Variants in CYSTM1 observed in about 807,000 individuals in gnomAD.
CYSTM1 encodes the protein cysteine rich transmembrane module containing 1, also known as cysteine-rich transmembrane module-containing protein 1.
Under a neutral mutation model 13.1 loss-of-function variants are expected in CYSTM1, and 4 were observed. The ratio of observed to expected loss-of-function variants is 0.31; its 90% confidence interval spans 0.15 to 0.70. The LOEUF is 0.70. Ranked by LOEUF, CYSTM1 falls within the 30% of genes least tolerant of loss-of-function variation. The pLI is 0.72. For synonymous variants in CYSTM1, 36 were observed against 42.7 expected, an observed-to-expected ratio of 0.84 and a Z score of 0.62; for missense variants, 96 against 121.6, an observed-to-expected ratio of 0.79 and a Z score of 0.99.
At position 140,204,996 on chromosome 5, in the gene CYSTM1, C is replaced by T. The variant is rs907815700; in HGVS notation, c.187+10344C>T. Among the ~76,000 whole-genome samples, 15 of 152,204 alleles carry T rather than the reference C, an allele frequency of 9.9e-5. 1 individual carries two copies. Among genetic ancestry groups the T allele is most frequent in the Middle Eastern group, 6.8e-3 (2 of 294 alleles). ...TAGGACTGTGATATCTGGCAACATA[C>T]GGATTTAAAATGAAATAAGTTCTAC... On this transcript the variant is annotated intron_variant, in intron 2 of 2. Coordinates refer to ENST00000261811, the MANE Select transcript of CYSTM1 (RefSeq NM_032412.4).
At chr5:140,240,262 G>A (rs1326485697) in intron 2 of CYSTM1, among the ~76,000 whole-genome samples, 2 of 151,874 alleles carry the variant, frequency 1.3e-5, no homozygotes, top group Admixed American at 6.6e-5. Context: ...TACAGAAATT[G>A]AGAGAAGAGT....
In CYSTM1 at chr5:140,195,439, C is replaced by CTT. The variant is rs35389567; in HGVS notation, c.187+806_187+807dup. 9.0e-3 allele frequency among the ~76,000 whole-genome samples: 917 copies of CTT among 101,348 alleles called. 22 individuals carry two copies. The highest frequency in any genetic ancestry group is 0.012 in the Non-Finnish European group (612 of 51,346). The allele number at this position is 101,348 out of a possible 152,430, so 66.5% of individuals were successfully genotyped here. On this transcript the variant is annotated intron_variant, in intron 2 of 2. Coordinates refer to ENST00000261811, the MANE Select transcript of CYSTM1 (RefSeq NM_032412.4). ...CTGCTCTCTTAATTAGCCCTTTCAG[C>CTT]TTTTTTTTTTTTTTTTTTTTGAGAC...
chr5:140,176,961 C>A (rs961749741), intron 1 of CYSTM1, among the ~76,000 whole-genome samples: 1 of 150,494 alleles, frequency 6.6e-6, no homozygotes, highest in Admixed American at 6.7e-5. Flanking sequence ...CCCAGCTACA[C>A]GGGAGGCTGA....
chr5:140,215,725 A>T (rs933608075), intron 2 of CYSTM1, among the ~76,000 whole-genome samples: 2 of 152,040 alleles, frequency 1.3e-5, no homozygotes, highest in East Asian at 1.9e-4. Context: ...TGTCCAGAGG[A>T]TGTATTTGCA....
At chr5:140,238,769 C>A (rs1300276731) in intron 2 of CYSTM1, among the ~76,000 whole-genome samples, 1 of 152,200 alleles carries the variant, frequency 6.6e-6, no homozygotes, top group Non-Finnish European at 1.5e-5. Flanking sequence ...CAGTAAAGGG[C>A]TATTGTGGAT....
chr5:140,210,928 A>G lies in CYSTM1; in HGVS notation c.187+16276A>G, dbSNP rs77688253. ...ACTTTTTCTGATGGCCTGCTGAGGG[A>G]GAAGGTTTTGGAAATTTGGAACTAT... On this transcript the variant is annotated intron_variant, in intron 2 of 2. Coordinates refer to ENST00000261811, the MANE Select transcript of CYSTM1 (RefSeq NM_032412.4). Among the ~76,000 whole-genome samples the G allele has an allele frequency of 3.1e-3, 468 of 152,174 alleles. 2 individuals are homozygous for G. Among genetic ancestry groups the G allele is most frequent in the Middle Eastern group, 0.02 (6 of 294 alleles).
At chr5:140,192,608 G>A (rs1280185006) in intron 1 of CYSTM1, among the ~76,000 whole-genome samples, 3 of 152,178 alleles carry the variant, frequency 2.0e-5, no homozygotes, top group South Asian at 2.1e-4. Flanking sequence ...CAGCAATTTT[G>A]TAGGCCAATC....
chr5:140,231,565 C>T (rs1284584164), intron 2 of CYSTM1, among the ~76,000 whole-genome samples: 2 of 152,246 alleles, frequency 1.3e-5, no homozygotes, highest in Non-Finnish European at 2.9e-5. Context: ...TAATTGACAT[C>T]ATACTTCCCT....
chr5:140,198,884 T>C (rs1442208184), intron 2 of CYSTM1, among the ~76,000 whole-genome samples: 1 of 152,214 alleles, frequency 6.6e-6, no homozygotes, highest in Non-Finnish European at 1.5e-5. Flanking sequence ...TACATAGGTA[T>C]GCATGTGCCA....
At chr5:140,205,237 G>A (rs370211099) in intron 2 of CYSTM1, among the ~76,000 whole-genome samples, 2 of 152,112 alleles carry the variant, frequency 1.3e-5, no homozygotes, top group African/African-American at 2.4e-5. Flanking sequence ...TATATTCCAC[G>A]GTCAGAGATT....
intron 2 of CYSTM1, among the ~76,000 whole-genome samples, chr5:140,236,645 G>A (rs559134286): frequency 1.3e-5 from 2 of 152,294 alleles, no homozygotes; most frequent in African/African-American, 4.8e-5. Context: ...GGCAGTAGCT[G>A]TACAACTCTG....
At chr5:140,206,897 A>T (rs1764305544) in intron 2 of CYSTM1, among the ~76,000 whole-genome samples, 1 of 152,114 alleles carries the variant, frequency 6.6e-6, no homozygotes, top group Non-Finnish European at 1.5e-5. Context: ...AGACTCCCCA[A>T]AGTGCTGGGA....
intron 1 of CYSTM1, among the ~76,000 whole-genome samples, chr5:140,177,093 A>G (rs537446597): frequency 1.4e-5 from 2 of 142,676 alleles, no homozygotes; most frequent in East Asian, 4.2e-4. Context: ...AAAAATCTCT[A>G]GTCCTTTCCT....
At chr5:140,225,672 A>G (rs1764539983) in intron 2 of CYSTM1, among the ~76,000 whole-genome samples, 1 of 152,234 alleles carries the variant, frequency 6.6e-6, no homozygotes, top group Non-Finnish European at 1.5e-5. Flanking sequence ...TTGAGGCCAA[A>G]GGAAAACTGA....
At position 140,177,068 on chromosome 5, in the gene CYSTM1, C is replaced by CAA. The variant is rs1161281232; in HGVS notation, c.-21+1801_-21+1802dup. On this transcript the variant is annotated intron_variant, in intron 1 of 2. Transcript: ENST00000261811. ...TGGGCGACAGAGCGAGACTCTGTCT[C>CAA]AAAAAAAAAAAAAAAAAAATCTCTA... Among the ~76,000 whole-genome samples the CAA allele has an allele frequency of 1.3e-3, 117 of 87,944 alleles. 13 individuals carry two copies. Among genetic ancestry groups the CAA allele is most frequent in the East Asian group, 3.6e-3 (10 of 2,786 alleles). 57.7% of individuals were successfully genotyped at this position (87,944 alleles called of 152,430 possible).
intron 1 of CYSTM1, among the ~76,000 whole-genome samples, chr5:140,193,430 A>T (rs2126657024): frequency 6.6e-6 from 1 of 152,246 alleles, no homozygotes; most frequent in African/African-American, 2.4e-5. Context: ...CTACAAGCAC[A>T]TGCCACCATG....
At chr5:140,240,735 G>A (rs1414919000) in intron 2 of CYSTM1, among the ~76,000 whole-genome samples, 1 of 152,020 alleles carries the variant, frequency 6.6e-6, no homozygotes, top group Non-Finnish European at 1.5e-5. Flanking sequence ...TAAAATTTCT[G>A]GGCCCCACCG....
At chr5:140,214,609 G>C (rs1462728699) in intron 2 of CYSTM1, among the ~76,000 whole-genome samples, 1 of 137,340 alleles carries the variant, frequency 7.3e-6, no homozygotes, top group African/African-American at 2.7e-5. Context: ...TTTCTGCTTT[G>C]ATACTACTTT....
intron 2 of CYSTM1, among the ~76,000 whole-genome samples, chr5:140,204,607 G>A (rs1764274268): frequency 6.6e-6 from 1 of 152,010 alleles, no homozygotes; most frequent in South Asian, 2.1e-4. Flanking sequence ...CAGAGGTAAA[G>A]TGGAGTGCAA....
Sources: allele counts gnomAD v4.1 joint callset (sites outside exome capture counted in the v4.1 genomes callset), GRCh38; gene constraint gnomAD v4.1.1; transcripts MANE v1.5; gene names NCBI Gene and HGNC (gene_info 2026-07-23, HGNC 2026-07-21).